CNBD1: variants seen among roughly 807,000 people sequenced by gnomAD.
The protein encoded by CNBD1 is cyclic nucleotide-binding domain-containing protein 1.
A neutral mutation model predicts 54.4 loss-of-function variants in CNBD1; 71 were observed. The observed-to-expected ratio is 1.30, with a 90% CI of 1.08 to 1.59. The LOEUF (loss-of-function observed/expected upper bound fraction) is 1.59. CNBD1 is among the 40% of genes most tolerant of loss of function. The pLI is 0.00. For missense variants in CNBD1, 659 were observed against 518.0 expected, an observed-to-expected ratio of 1.27 and a Z score of -2.64; for synonymous variants, 182 against 170.7, an observed-to-expected ratio of 1.07 and a Z score of -0.51.
At chr8:87,218,741 G>A (rs1161437729) in intron 5 of CNBD1, among the ~76,000 whole-genome samples, 1 of 151,858 alleles carries the variant, frequency 6.6e-6, no homozygotes, top group Non-Finnish European at 1.5e-5. Flanking sequence ...TTAAAAGATT[G>A]AAATGTTTTA....
intron 1 of CNBD1, among the ~76,000 whole-genome samples, chr8:86,881,376 A>T (rs1382976494): frequency 6.6e-6 from 1 of 152,160 alleles, no homozygotes; most frequent in Non-Finnish European, 1.5e-5. Context: ...CGCCAACAAC[A>T]GGCAAGCAGA....
chr8:87,399,927 G>T (rs766005227), intron 2 of CNBD1, among the ~76,000 whole-genome samples: 29 of 151,742 alleles, frequency 1.9e-4, no homozygotes, highest in Non-Finnish European at 4.0e-4. Context: ...CTAAGGAGAA[G>T]GAAGAGCAAT....
Position 87,220,283 on chromosome 8 carries a change from T to C in CNBD1, c.577+14145T>C, listed in dbSNP as rs1310737162. 2.0e-5 allele frequency among the ~76,000 whole-genome samples: 3 copies of C among 152,184 alleles called. No individual in the cohort carries two copies. The East Asian group carries it at 5.8e-4, about 29-fold the overall frequency. ...CATTGAGAGGGTCGATTTTAAAAGT[T>C]TGCAATGTTCGTAGTTTGCCTTACC... On this transcript the variant is annotated intron_variant, in intron 5 of 10. Transcript: ENST00000518476.
At chr8:87,424,310 T>C in intron 2 of CNBD1, among the ~76,000 whole-genome samples, 1 of 152,094 alleles carries the variant, frequency 6.6e-6, no homozygotes, top group East Asian at 1.9e-4. Flanking sequence ...CTTCTTGCCT[T>C]CTGCTAGCTT....
At chr8:87,175,149 C>T (rs1000075803) in intron 4 of CNBD1, among the ~76,000 whole-genome samples, 3 of 152,148 alleles carry the variant, frequency 2.0e-5, no homozygotes, top group Non-Finnish European at 4.4e-5. Flanking sequence ...TTGTTTCCTT[C>T]GCTTCAGGGT....
intron 3 of CNBD1, among the ~76,000 whole-genome samples, chr8:86,928,955 G>A (rs1015280031): frequency 1.3e-5 from 2 of 152,152 alleles, no homozygotes; most frequent in Non-Finnish European, 2.9e-5. Flanking sequence ...ACCCTGAGGG[G>A]AGAAAACTAT....
At chr8:87,277,070 T>TTATA (rs10583348) in intron 6 of CNBD1, among the ~76,000 whole-genome samples, 19 of 149,362 alleles carry the variant, frequency 1.3e-4, no homozygotes, top group East Asian at 2.0e-4. Context: ...GATGGGTCAT[T>TTATA]TATATATATA....
chr8:87,360,170 G>T (rs1810498559), intron 10 of CNBD1, among the ~76,000 whole-genome samples: 1 of 151,904 alleles, frequency 6.6e-6, no homozygotes, highest in Admixed American at 6.6e-5. Flanking sequence ...CTTCAAGATA[G>T]GTAGAATAGA....
intron 2 of CNBD1, among the ~76,000 whole-genome samples, chr8:87,390,055 C>T (rs977072979): frequency 2.0e-5 from 3 of 150,784 alleles, no homozygotes; most frequent in Admixed American, 6.6e-5. Context: ...ATGTAGAAAG[C>T]TGAAACTGGA....
intron 4 of CNBD1, among the ~76,000 whole-genome samples, chr8:87,017,815 A>G (rs1396225736): frequency 1.3e-5 from 2 of 152,302 alleles, no homozygotes; most frequent in South Asian, 2.1e-4. Flanking sequence ...CAGAATTCAG[A>G]TTGTAGTTTT....
At chr8:87,348,989 C>G (rs1810228679) in intron 8 of CNBD1, among the ~76,000 whole-genome samples, 1 of 152,118 alleles carries the variant, frequency 6.6e-6, no homozygotes, top group African/African-American at 2.4e-5. Flanking sequence ...GCTTTCAGGT[C>G]TTCCGAGTCT....
At chr8:87,194,823 G>C (rs1813681037) in intron 4 of CNBD1, among the ~76,000 whole-genome samples, 1 of 151,802 alleles carries the variant, frequency 6.6e-6, no homozygotes, top group South Asian at 2.1e-4. Flanking sequence ...ATGTATGTAT[G>C]TGCATTTGCA....
In CNBD1 at chr8:86,922,844, A is replaced by T. The variant is rs138649201; in HGVS notation, c.273-16752A>T. Among the ~76,000 whole-genome samples, 8 of 152,250 alleles carry T rather than the reference A, an allele frequency of 5.3e-5. No homozygotes were observed. In the East Asian group the frequency reaches 1.4e-3, roughly 26 times the overall value. On this transcript the variant is annotated intron_variant, in intron 3 of 10. Coordinates refer to ENST00000518476, the MANE Select transcript of CNBD1 (RefSeq NM_173538.3). ...AATTTAGAGTCACGGAGCAACCAGG[A>T]GTGAAGAAATTCAGAGAAAAAGAGG...
intron 4 of CNBD1, chr8:87,044,403 G>A (rs1448475755): frequency 6.6e-6 from 1 of 152,046 alleles, no homozygotes; most frequent in Non-Finnish European, 1.5e-5. Flanking sequence ...TTTCTGGGGT[G>A]TTATCTGAGC....
intron 4 of CNBD1, among the ~76,000 whole-genome samples, chr8:87,118,100 G>T (rs1277190695): frequency 6.6e-6 from 1 of 152,002 alleles, no homozygotes; most frequent in Non-Finnish European, 1.5e-5. Flanking sequence ...CGGATCATGA[G>T]GTCAGGAGAT....
chr8:86,987,865 A>G (rs1030362877), intron 4 of CNBD1, among the ~76,000 whole-genome samples: 21 of 152,300 alleles, frequency 1.4e-4, no homozygotes, highest in Admixed American at 1.1e-3. Context: ...ATCATGGTGT[A>G]TTAACTTTCT....
At chr8:87,126,254 G>T (rs1415046647) in intron 4 of CNBD1, among the ~76,000 whole-genome samples, 1 of 151,942 alleles carries the variant, frequency 6.6e-6, no homozygotes, top group Non-Finnish European at 1.5e-5. Flanking sequence ...TTGCCAAAGA[G>T]CTTTCCAAAG....
intron 1 of CNBD1, 68 bp from the exon 2 acceptor site, chr8:86,887,474 C>T (rs1483547095): frequency 1.0e-6 from 1 of 959,860 alleles, no homozygotes; most frequent in Admixed American, 2.3e-5. Flanking sequence ...TGCAATTAAA[C>T]TCTATTTACA....
At chr8:87,284,554 G>T (rs1194619234) in intron 6 of CNBD1, 124 bp from the exon 7 acceptor site, 8 of 747,594 alleles carry the variant, frequency 1.1e-5, no homozygotes, top group Non-Finnish European at 1.7e-5. Flanking sequence ...AGCCATCCAT[G>T]CAGAGACAGT....
Sources: gnomAD v4.1 joint callset for allele counts (sites outside exome capture counted in the v4.1 genomes callset) on GRCh38, gnomAD v4.1.1 for gene constraint, MANE v1.5 for transcripts, NCBI Gene and HGNC (gene_info 2026-07-23, HGNC 2026-07-21) for gene names.